Variants in ARHGEF28 observed in about 807,000 individuals in gnomAD.
The protein encoded by ARHGEF28 is 190 kDa guanine nucleotide exchange factor.
A neutral mutation model predicts 206.6 loss-of-function variants in ARHGEF28; 152 were observed. The ratio of observed to expected loss-of-function variants is 0.74; its 90% CI spans 0.64 to 0.84. The LOEUF (loss-of-function observed/expected upper bound fraction) is 0.84, where lower values mean the gene tolerates loss of function less well. ARHGEF28 is among the 40% of genes least tolerant of loss of function. ARHGEF28 has a pLI of 0.00. For synonymous variants in ARHGEF28, 763 were observed against 776.4 expected (o/e 0.98, Z 0.29); for missense variants, 2,028 against 2,073.2 (o/e 0.98, Z 0.42).
intron 30 of ARHGEF28, 97 bp from the exon 31 acceptor site, chr5:73,901,087 T>C (rs1561497748): frequency 9.9e-6 from 9 of 908,866 alleles, no homozygotes; most frequent in South Asian, 2.9e-5. Context: ...GTGTTTCCTA[T>C]TTTGAAATAT....
chr5:73,912,308 C>T (rs1277420533), intron 35 of ARHGEF28, among the ~76,000 whole-genome samples: 1 of 152,136 alleles, frequency 6.6e-6, no homozygotes, highest in Admixed American at 6.5e-5. Context: ...ATAGAATAAA[C>T]AAATGGCTGG....
intron 1 of ARHGEF28, among the ~76,000 whole-genome samples, chr5:73,660,613 A>T (rs1745535277): frequency 6.6e-6 from 1 of 152,210 alleles, no homozygotes; most frequent in South Asian, 2.1e-4. Flanking sequence ...TTTCTTAAAT[A>T]ATAAGACTTG....
intron 17 of ARHGEF28, 142 bp downstream of exon 17, chr5:73,865,014 T>C (rs1246220330): frequency 1.4e-6 from 1 of 715,380 alleles, no homozygotes; most frequent in Non-Finnish European, 2.3e-6. Context: ...GCTCAAAGTG[T>C]ATAGTTATTT....
chr5:73,729,961 A>G (rs1750509839), intron 2 of ARHGEF28, among the ~76,000 whole-genome samples: 1 of 152,214 alleles, frequency 6.6e-6, no homozygotes, highest in South Asian at 2.1e-4. Context: ...TCCCATTTAT[A>G]AGGTGGGAAT....
chr5:73,646,365 T>A (rs1744423333), intron 1 of ARHGEF28, among the ~76,000 whole-genome samples: 1 of 152,204 alleles, frequency 6.6e-6, no homozygotes, highest in African/African-American at 2.4e-5. Context: ...GGCTGTTCCC[T>A]CCTTGAGTAG....
At chr5:73,718,878 A>G (rs538489879) in intron 2 of ARHGEF28, among the ~76,000 whole-genome samples, 16 of 152,300 alleles carry the variant, frequency 1.1e-4, no homozygotes, top group East Asian at 1.9e-4. Context: ...TGGCTAGGGA[A>G]AGCTAAACAC....
intron 5 of ARHGEF28, among the ~76,000 whole-genome samples, chr5:73,775,228 T>C (rs1753476614): frequency 6.6e-6 from 1 of 152,244 alleles, no homozygotes; most frequent in Admixed American, 6.5e-5. Context: ...TTTGTATCTT[T>C]TTACTGTGTC....
At chr5:73,897,677 A>G (rs1286591148) in intron 29 of ARHGEF28, among the ~76,000 whole-genome samples, 2 of 152,228 alleles carry the variant, frequency 1.3e-5, no homozygotes, top group African/African-American at 4.8e-5. Flanking sequence ...TGCTAAAAGT[A>G]TTGGTCTAGA....
intron 1 of ARHGEF28, among the ~76,000 whole-genome samples, chr5:73,681,220 A>T (rs558858399): frequency 1.6e-4 from 24 of 152,260 alleles, no homozygotes; most frequent in African/African-American, 5.1e-4. Flanking sequence ...TGTATAAGGC[A>T]TGACTATAAA....
chr5:73,690,211 G>A (rs1361515113), intron 2 of ARHGEF28, among the ~76,000 whole-genome samples: 2 of 151,994 alleles, frequency 1.3e-5, no homozygotes, highest in Non-Finnish European at 2.9e-5. Flanking sequence ...TTGCTTACTG[G>A]GCATTTAATT....
rs1762780843 is a variant in ARHGEF28, at chr5:73,909,833, TGGGC to T, written c.4584_4587del (p.Gly1529ThrfsTer21). ...AGGATGCGGGCCCAGCAGAGCCTGC[TGGGC>T]CACTGGAAGCACGGCCGGCAGAGGA... On this transcript the variant is annotated frameshift_variant, in exon 34 of 36. Coordinates refer to ENST00000513042, the MANE Select transcript of ARHGEF28 (RefSeq NM_001177693.2). LOFTEE classifies it high-confidence loss of function. The T allele has an allele frequency of 6.5e-7, 1 of 1,539,502 alleles. No homozygotes were observed. The highest frequency in any genetic ancestry group is 8.7e-7 in the Non-Finnish European group (1 of 1,154,884).
At chr5:73,818,116 G>A (rs918496898) in intron 9 of ARHGEF28, among the ~76,000 whole-genome samples, 4 of 152,146 alleles carry the variant, frequency 2.6e-5, no homozygotes, top group Non-Finnish European at 5.9e-5. Context: ...GGGGCTGGGA[G>A]TGCTTTCCAC....
At chr5:73,709,050 CTTG>C (rs1442521361) in intron 2 of ARHGEF28, among the ~76,000 whole-genome samples, 1 of 152,044 alleles carries the variant, frequency 6.6e-6, no homozygotes, top group African/African-American at 2.4e-5. Context: ...TTGTTTTTGG[CTTG>C]TTGACCTAAA....
chr5:73,728,174 G>GAT (rs1220959998), intron 2 of ARHGEF28, among the ~76,000 whole-genome samples: 4 of 152,170 alleles, frequency 2.6e-5, no homozygotes, highest in Non-Finnish European at 5.9e-5. Context: ...ATTTGATAAT[G>GAT]ATATCTATGC....
chr5:73,866,227 G>A (rs1759699111), intron 18 of ARHGEF28, among the ~76,000 whole-genome samples: 1 of 152,128 alleles, frequency 6.6e-6, no homozygotes, highest in Non-Finnish European at 1.5e-5. Context: ...TGTACCATAT[G>A]ATCTTTTATA....
chr5:73,721,077 C>CTGAA (rs1749907442), intron 2 of ARHGEF28, among the ~76,000 whole-genome samples: 1 of 152,182 alleles, frequency 6.6e-6, no homozygotes, highest in African/African-American at 2.4e-5. Flanking sequence ...TTTTGAGAAT[C>CTGAA]TGAAGAACAG....
At chr5:73,780,832 C>A in intron 7 of ARHGEF28, 87 bp downstream of exon 7, 1 of 1,440,844 alleles carries the variant, frequency 6.9e-7, no homozygotes. Flanking sequence ...GTGGTGAAGC[C>A]GGCCAGGAAT....
At chr5:73,682,620 C>A (rs1267067255) in intron 1 of ARHGEF28, among the ~76,000 whole-genome samples, 3 of 152,170 alleles carry the variant, frequency 2.0e-5, no homozygotes, top group Non-Finnish European at 4.4e-5. Flanking sequence ...CCATATTGGT[C>A]AGGCTGGTCT....
Position 73,832,446 on chromosome 5 carries a change from T to C in ARHGEF28, c.1133T>C (p.Met378Thr), listed in dbSNP as rs1757356594. Residue 378 changes from methionine to threonine, a missense_variant, in exon 10 of 36, where the codon ATG becomes ACG. Physicochemically the swap from Met to Thr is moderately conservative, Grantham distance 81. Around this residue, in one of 3 missense-constraint regions of ARHGEF28, gnomAD observed 1,002 missense variants for 1,015.3 expected, o/e 0.99. Transcript: ENST00000513042. ...GGTGATGAAGTCTACGCTAACTGTATGGTGATTGATCAGGTAAGGCCCAAC... is the reference window on the plus strand; with the variant it reads ...GGTGATGAAGTCTACGCTAACTGTACGGTGATTGATCAGGTAAGGCCCAAC... ...NGGDEVYANC[M>T]VIDQVGDLDI... 6.2e-7 allele frequency: 1 copy of C among 1,612,418 alleles called. No homozygotes were observed. The highest frequency in any genetic ancestry group is 1.1e-5 in the South Asian group (1 of 90,420).
Sources: allele counts gnomAD v4.1 joint callset (sites outside exome capture counted in the v4.1 genomes callset), GRCh38; gene constraint gnomAD v4.1.1; regional missense constraint gnomAD v4.1.1; transcripts MANE v1.5; gene names NCBI Gene and HGNC (gene_info 2026-07-23, HGNC 2026-07-21).